CEACAM20: variants seen among roughly 807,000 people sequenced by gnomAD.
CEACAM20 encodes cell adhesion molecule CEACAM20.
A neutral mutation model predicts 61.2 loss-of-function variants in CEACAM20; 50 were observed. The observed-to-expected ratio is 0.82, with a 90% CI of 0.65 to 1.03. The LOEUF (loss-of-function observed/expected upper bound fraction) is 1.03. Among genes scored for constraint, CEACAM20 ranks in the 50% least tolerant of loss-of-function variants. The probability of loss-of-function intolerance (pLI) is 0.00; values close to 1 mark genes in which losing one functional copy is unlikely to be tolerated. For synonymous variants in CEACAM20, 282 were observed against 287.7 expected (o/e 0.98, Z 0.20); for missense variants, 683 against 736.4 (o/e 0.93, Z 0.84).
intron 1 of CEACAM20, among the ~76,000 whole-genome samples, chr19:44,529,029 G>A (rs1020844575): frequency 7.4e-6 from 1 of 135,166 alleles, no homozygotes; most frequent in Non-Finnish European, 1.5e-5. Context: ...TGTCATCTCA[G>A]CTCACTGCAG....
At chr19:44,529,354 GCACACA>G (rs71940010) in intron 1 of CEACAM20, 98 bp downstream of exon 1, 80,958 of 650,458 alleles carry the variant, frequency 0.12, 869 homozygotes, top group Middle Eastern at 0.16. Context: ...TTCCTCGAGT[GCACACA>G]CACACACACA....
intron 11 of CEACAM20, 93 bp downstream of exon 11, chr19:44,510,933 CTTCA>C (rs1259864013): frequency 3.5e-6 from 5 of 1,448,552 alleles, no homozygotes; most frequent in Non-Finnish European, 4.7e-6. Flanking sequence ...GGAAATTTTT[CTTCA>C]TAGTTCATCC....
chr19:44,517,263 T>A, intron 5 of CEACAM20, 39 bp from the exon 6 acceptor site: 3 of 1,588,454 alleles, frequency 1.9e-6, no homozygotes, highest in South Asian at 2.2e-5. Context: ...CTGGCCCCCA[T>A]CAGCGAGTCA....
chr19:44,511,292 G>T, intron 10 of CEACAM20, 137 bp from the exon 11 acceptor site: 3 of 1,280,038 alleles, frequency 2.3e-6, no homozygotes, highest in Non-Finnish European at 3.2e-6. Context: ...TGGAAGCAGG[G>T]TTAGAACCCA....
intron 9 of CEACAM20, 82 bp from the exon 10 acceptor site, chr19:44,511,754 C>G (rs572889941): frequency 7.0e-7 from 1 of 1,419,858 alleles, no homozygotes; most frequent in Admixed American, 1.9e-5. Context: ...TAGCTTTGGC[C>G]TCAGAGGCAA....
At position 44,512,914 on chromosome 19, in the gene CEACAM20, G is replaced by A. The variant is rs73938680; in HGVS notation, c.1467C>T (p.Thr489=). The A allele has an allele frequency of 1.7e-3, 2,753 of 1,613,712 alleles. 52 individuals carry two copies. The African/African-American group carries it at 0.032, about 19-fold the overall frequency. ...RKTTEDPSHE[T]SQPIPKEEHP... ...GCTCCTCCTTCGGGATGGGTTGTGA[G>A]GTCTCATGACTGGGGTCCTCTGTTG... The change falls in exon 8 of 12, where the codon ACC becomes ACT. Residue 489 remains threonine (T), a synonymous_variant. Coordinates refer to ENST00000614924, the MANE Select transcript of CEACAM20 (RefSeq NM_001102597.3).
intron 5 of CEACAM20, among the ~76,000 whole-genome samples, chr19:44,518,625 A>T (rs1394405152): frequency 6.6e-6 from 1 of 152,152 alleles, no homozygotes; most frequent in Non-Finnish European, 1.5e-5. Context: ...TATTTAAATT[A>T]ATGTAAAATA....
chr19:44,529,558 T>G lies in CEACAM20; in HGVS notation c.-49A>C. 6 of 1,569,750 alleles carry G rather than the reference T, an allele frequency of 3.8e-6. No homozygotes were observed. The South Asian group carries it at 6.7e-5, about 17-fold the overall frequency. ...GTGCCAGGCCGTCTGTCGCCCCGGC[T>G]TGCACACACAGATACAGTCCTCACT... On this transcript the variant is annotated 5_prime_UTR_variant, in exon 1 of 12. Transcript: ENST00000614924.
intron 6 of CEACAM20, among the ~76,000 whole-genome samples, chr19:44,513,826 C>G (rs1310712951): frequency 1.3e-5 from 2 of 152,146 alleles, no homozygotes. Context: ...TTTGGGCATG[C>G]TACTTAACCT....
chr19:44,507,637 T>C (rs1466504857), intron 11 of CEACAM20, among the ~76,000 whole-genome samples: 3 of 152,366 alleles, frequency 2.0e-5, no homozygotes, highest in East Asian at 3.9e-4. Context: ...AATTGAGTTA[T>C]CTGATATTTC....
intron 3 of CEACAM20, 70 bp from the exon 4 acceptor site, chr19:44,522,982 C>T (rs781151078): frequency 2.6e-5 from 34 of 1,304,278 alleles, no homozygotes; most frequent in Admixed American, 1.5e-4. Flanking sequence ...AGGTCTTTAA[C>T]GGATCAATAA....
Position 44,525,131 on chromosome 19 carries a change from T to TG in CEACAM20, c.165dup (p.Arg56GlnfsTer38), listed in dbSNP as rs753555109. The TG allele has an allele frequency of 6.2e-7, 1 of 1,611,048 alleles. No homozygotes were observed. Among genetic ancestry groups the TG allele is most frequent in the East Asian group, 2.2e-5 (1 of 44,602 alleles). On this transcript the variant is annotated frameshift_variant, in exon 2 of 12. Coordinates refer to ENST00000614924, the MANE Select transcript of CEACAM20 (RefSeq NM_001102597.3). LOFTEE classifies it high-confidence loss of function. ...GATCTGCCATGAATCTGGGGTGTCC[T>TG]GGGGGTCCCAAACACAGGCAGAACA...
chr19:44,510,891 T>C (rs2123557502), intron 11 of CEACAM20, 139 bp downstream of exon 11: 2 of 946,770 alleles, frequency 2.1e-6, no homozygotes, highest in Middle Eastern at 2.2e-4. Flanking sequence ...ATGATGGAAA[T>C]GGATAGGATG....
At chr19:44,525,454 G>GT (rs1176377261) in intron 1 of CEACAM20, among the ~76,000 whole-genome samples, 1 of 151,808 alleles carries the variant, frequency 6.6e-6, no homozygotes, top group Non-Finnish European at 1.5e-5. Flanking sequence ...TTTTGTTTTT[G>GT]TTTTTTGAGG....
At chr19:44,529,354 GCACACACACACACACACACACACACA>G (rs71940010) in intron 1 of CEACAM20, 78 bp downstream of exon 1, 11 of 658,918 alleles carry the variant, frequency 1.7e-5, no homozygotes, top group Non-Finnish European at 2.3e-5. Context: ...TTCCTCGAGT[GCACACACACACACACACACACACACA>G]CACACACACA....
At chr19:44,525,380 T>C in intron 1 of CEACAM20, 136 bp from the exon 2 acceptor site, 1 of 711,522 alleles carries the variant, frequency 1.4e-6, no homozygotes, top group Non-Finnish European at 2.2e-6. Context: ...TCCTACTCGT[T>C]ACTTACAGCT....
intron 4 of CEACAM20, 96 bp downstream of exon 4, chr19:44,522,538 C>T: frequency 7.4e-7 from 1 of 1,347,574 alleles, no homozygotes. Context: ...ACACAGTATC[C>T]AAAGGCCCTG....
At chr19:44,526,014 C>T (rs968777881) in intron 1 of CEACAM20, among the ~76,000 whole-genome samples, 4 of 152,248 alleles carry the variant, frequency 2.6e-5, no homozygotes, top group Non-Finnish European at 5.9e-5. Context: ...AAACTTGAAC[C>T]TGGCCTGCCA....
At position 44,529,533 on chromosome 19, in the gene CEACAM20, G is replaced by A; in HGVS notation, c.-24C>T. On this transcript the variant is annotated 5_prime_UTR_variant, in exon 1 of 12. Transcript: ENST00000614924. ...ATGGGTCCCGGCACCTGACTTCAGT[G>A]TGCCAGGCCGTCTGTCGCCCCGGCT... 2 of 1,612,976 alleles carry A rather than the reference G, an allele frequency of 1.2e-6. No individual in the cohort carries two copies. Among genetic ancestry groups the A allele is most frequent in the African/African-American group, 1.3e-5 (1 of 74,924 alleles).
Sources: gnomAD v4.1 joint callset for allele counts (sites outside exome capture counted in the v4.1 genomes callset) on GRCh38, gnomAD v4.1.1 for gene constraint, MANE v1.5 for transcripts, NCBI Gene and HGNC (gene_info 2026-07-23, HGNC 2026-07-21) for gene names.